The following CCBE1 variants were observed in gnomAD, a reference collection of about 807,000 sequenced individuals.
The protein encoded by CCBE1 is collagen and calcium-binding EGF domain-containing protein 1.
Under a neutral mutation model 50.0 loss-of-function variants are expected in CCBE1, and 37 were observed. The ratio of observed to expected loss-of-function variants is 0.74; its 90% CI spans 0.57 to 0.97. CCBE1 has a LOEUF of 0.97. CCBE1 is among the 50% of genes least tolerant of loss of function. The pLI, the probability that CCBE1 is intolerant of heterozygous loss-of-function variation, is 0.00. For synonymous variants in CCBE1, 234 were observed against 203.7 expected (o/e 1.15, Z -1.27); for missense variants, 538 against 523.8 (o/e 1.03, Z -0.26).
chr18:59,576,262 A>G (rs1302159923), intron 2 of CCBE1, among the ~76,000 whole-genome samples: 1 of 152,182 alleles, frequency 6.6e-6, no homozygotes, highest in Non-Finnish European at 1.5e-5. Context: ...GTGTGAACAA[A>G]TGTTTTCATT....
chr18:59,678,472 G>T (rs1310674600), intron 2 of CCBE1, among the ~76,000 whole-genome samples: 7 of 152,176 alleles, frequency 4.6e-5, no homozygotes, highest in African/African-American at 1.2e-4. Context: ...AGAATATTAA[G>T]AACAGACAGA....
intron 5 of CCBE1, among the ~76,000 whole-genome samples, chr18:59,464,381 T>C (rs1911642091): frequency 6.6e-6 from 1 of 152,154 alleles, no homozygotes; most frequent in Non-Finnish European, 1.5e-5. Context: ...TGAGCTGAGA[T>C]TGCACCACTG....
intron 2 of CCBE1, among the ~76,000 whole-genome samples, chr18:59,641,475 C>G (rs1253341291): frequency 2.0e-5 from 3 of 151,960 alleles, no homozygotes; most frequent in African/African-American, 7.3e-5. Context: ...AGGGTGAGGA[C>G]CGAAACACTA....
intron 2 of CCBE1, among the ~76,000 whole-genome samples, chr18:59,615,855 TAAG>T (rs1472892636): frequency 6.6e-6 from 1 of 152,150 alleles, no homozygotes; most frequent in Non-Finnish European, 1.5e-5. Flanking sequence ...AAGGAAAGAA[TAAG>T]AAGGTTGAAA....
intron 2 of CCBE1, among the ~76,000 whole-genome samples, chr18:59,511,379 C>T (rs1914124878): frequency 1.3e-5 from 2 of 152,310 alleles, no homozygotes; most frequent in South Asian, 2.1e-4. Context: ...TCCTGAAAGG[C>T]CCTTGCCCAC....
intron 2 of CCBE1, among the ~76,000 whole-genome samples, chr18:59,546,012 C>T (rs1915668196): frequency 6.6e-6 from 1 of 152,130 alleles, no homozygotes; most frequent in Non-Finnish European, 1.5e-5. Flanking sequence ...TATAGGAATA[C>T]CTGTATATGT....
intron 3 of CCBE1, among the ~76,000 whole-genome samples, chr18:59,469,816 C>T (rs143469887): frequency 8.3e-4 from 127 of 152,276 alleles, no homozygotes; most frequent in Non-Finnish European, 1.5e-3. Context: ...TCACATCACT[C>T]GTGATTTTTC....
At chr18:59,593,807 T>C (rs2053308959) in intron 2 of CCBE1, among the ~76,000 whole-genome samples, 1 of 152,250 alleles carries the variant, frequency 6.6e-6, no homozygotes, top group Non-Finnish European at 1.5e-5. Flanking sequence ...TGATTAAGTC[T>C]GGGACATGAG....
At chr18:59,501,121 T>C (rs926318484) in intron 2 of CCBE1, among the ~76,000 whole-genome samples, 3 of 152,202 alleles carry the variant, frequency 2.0e-5, no homozygotes, top group Admixed American at 6.5e-5. Context: ...TAGCTGCTCA[T>C]TGAAGAGATC....
intron 5 of CCBE1, among the ~76,000 whole-genome samples, chr18:59,457,793 C>T (rs1019505989): frequency 6.6e-6 from 1 of 152,148 alleles, no homozygotes; most frequent in Admixed American, 6.5e-5. Flanking sequence ...GTTTTTTACC[C>T]CTGTTCAATG....
In CCBE1 at chr18:59,639,595, G is replaced by A. The variant is rs1298173786; in HGVS notation, c.212+57034C>T. 2.0e-5 allele frequency among the ~76,000 whole-genome samples: 3 copies of A among 152,220 alleles called. No individual in the cohort carries two copies. The East Asian group carries it at 5.8e-4, about 29-fold the overall frequency. The stretch of plus-strand genomic sequence containing the variant: ...TTGAAAACTGGCACAAGACAAAGAC[G>A]CCCTCTCTCACCACTCCTATTCAAC... On this transcript the variant is annotated intron_variant, in intron 2 of 10. Transcript: ENST00000439986.
intron 2 of CCBE1, among the ~76,000 whole-genome samples, chr18:59,593,647 C>T (rs1313490229): frequency 6.6e-6 from 1 of 152,218 alleles, no homozygotes; most frequent in Non-Finnish European, 1.5e-5. Flanking sequence ...ACACACTTAT[C>T]ATCCTGGCTG....
chr18:59,589,790 C>CAAAAAAAAAAAA (rs752546235), intron 2 of CCBE1, among the ~76,000 whole-genome samples: 1 of 73,112 alleles, frequency 1.4e-5, no homozygotes, highest in Non-Finnish European at 2.6e-5. Context: ...GACTCCATCT[C>CAAAAAAAAAAAA]AAAAAAAAAA....
chr18:59,640,425 C>T (rs1482162555), intron 2 of CCBE1, among the ~76,000 whole-genome samples: 1 of 152,096 alleles, frequency 6.6e-6, no homozygotes, highest in African/African-American at 2.4e-5. Context: ...AGCTGGCTAG[C>T]CATATGCAGA....
intron 2 of CCBE1, among the ~76,000 whole-genome samples, chr18:59,635,896 T>A (rs1199519690): frequency 6.6e-6 from 1 of 152,170 alleles, no homozygotes; most frequent in African/African-American, 2.4e-5. Context: ...ATGTGATAGC[T>A]CATGCCTGTG....
chr18:59,524,937 A>G (rs4940886), intron 2 of CCBE1, among the ~76,000 whole-genome samples: 46,473 of 152,010 alleles, frequency 0.31, 7,411 homozygotes, highest in Non-Finnish European at 0.35. Context: ...CGTTCCTTTT[A>G]ATGGCTGTAT....
chr18:59,622,177 G>T (rs1482716433), intron 2 of CCBE1, among the ~76,000 whole-genome samples: 2 of 152,148 alleles, frequency 1.3e-5, no homozygotes, highest in East Asian at 3.8e-4. Context: ...TGTTCAAGAG[G>T]ACCTTCACTT....
chr18:59,488,299 A>G (rs1912920049), intron 2 of CCBE1, among the ~76,000 whole-genome samples: 1 of 152,202 alleles, frequency 6.6e-6, no homozygotes, highest in African/African-American at 2.4e-5. Context: ...GAAAGTATTT[A>G]ATGCCCCTGA....
At chr18:59,464,490 C>T (rs970883495) in intron 5 of CCBE1, among the ~76,000 whole-genome samples, 1 of 152,186 alleles carries the variant, frequency 6.6e-6, no homozygotes, top group Admixed American at 6.5e-5. Flanking sequence ...CTCCAGTCAA[C>T]CTGGATGATC....
Sources: gnomAD v4.1 joint callset for allele counts (sites outside exome capture counted in the v4.1 genomes callset) on GRCh38, gnomAD v4.1.1 for gene constraint, MANE v1.5 for transcripts, NCBI Gene and HGNC (gene_info 2026-07-23, HGNC 2026-07-21) for gene names.